NAALADL2: variants seen among roughly 807,000 people sequenced by gnomAD.
NAALADL2 encodes the protein N-acetylated alpha-linked acidic dipeptidase like 2.
Under a neutral mutation model 87.2 loss-of-function variants are expected in NAALADL2, and 76 were observed. The observed-to-expected ratio is 0.87, with a 90% CI of 0.72 to 1.05. The LOEUF (loss-of-function observed/expected upper bound fraction) is 1.05. Ranked by LOEUF, NAALADL2 falls within the 50% of genes least tolerant of loss-of-function variation. The pLI, the probability that NAALADL2 is intolerant of heterozygous loss-of-function variation, is 0.00. For synonymous variants in NAALADL2, 354 were observed against 331.0 expected (o/e 1.07, Z -0.75); for missense variants, 1,089 against 945.8 (o/e 1.15, Z -1.99).
At chr3:175,576,435 C>T (rs1036585882) in intron 10 of NAALADL2, among the ~76,000 whole-genome samples, 7 of 152,170 alleles carry the variant, frequency 4.6e-5, no homozygotes, top group Non-Finnish European at 7.4e-5. Context: ...CAGTGCTCTG[C>T]AATGAGAAAT....
intron 3 of NAALADL2, among the ~76,000 whole-genome samples, chr3:174,824,190 CTG>C (rs1022651198): frequency 6.6e-6 from 1 of 151,986 alleles, no homozygotes; most frequent in Non-Finnish European, 1.5e-5. Context: ...TTTGTAATGT[CTG>C]TTACATTAAA....
chr3:174,734,312 A>G (rs1478064665), intron 2 of NAALADL2, among the ~76,000 whole-genome samples: 2 of 152,318 alleles, frequency 1.3e-5, no homozygotes, highest in East Asian at 3.9e-4. Context: ...GTGTGTATCC[A>G]TACTAATGTG....
At chr3:175,433,057 T>A (rs1248395568) in intron 5 of NAALADL2, among the ~76,000 whole-genome samples, 1 of 152,036 alleles carries the variant, frequency 6.6e-6, no homozygotes, top group Admixed American at 6.6e-5. Context: ...ATTAAATAGT[T>A]GCAGTCATGA....
chr3:174,614,113 GC>G (rs1720213030), intron 2 of NAALADL2, among the ~76,000 whole-genome samples: 1 of 152,244 alleles, frequency 6.6e-6, no homozygotes, highest in Middle Eastern at 3.4e-3. Flanking sequence ...GAAGGAAAGG[GC>G]CTTTTTTAGA....
intron 1 of NAALADL2, among the ~76,000 whole-genome samples, chr3:174,983,683 C>T (rs1356083057): frequency 1.3e-5 from 2 of 152,036 alleles, no homozygotes; most frequent in Non-Finnish European, 2.9e-5. Context: ...GGTGATTCTG[C>T]CCTCATGATA....
At chr3:174,952,832 T>A (rs989628131) in intron 1 of NAALADL2, among the ~76,000 whole-genome samples, 3 of 152,108 alleles carry the variant, frequency 2.0e-5, no homozygotes, top group Admixed American at 2.0e-4. Flanking sequence ...ATGTCACTGA[T>A]TGCTGGGTAC....
Position 175,617,901 on chromosome 3 carries a change from A to C in NAALADL2, c.1801-9390A>C, listed in dbSNP as rs571176074. On this transcript the variant is annotated intron_variant, in intron 10 of 13. Coordinates refer to ENST00000454872, the MANE Select transcript of NAALADL2 (RefSeq NM_207015.3). ...AGTTCTAGTCTTACGTAAGCCCTCC[A>C]GTATGCACACCTGAAAGTGTTTCCT... 2.6e-5 allele frequency among the ~76,000 whole-genome samples: 4 copies of C among 152,306 alleles called. No individual in the cohort carries two copies. In the East Asian group the frequency reaches 7.7e-4, roughly 30 times the overall value.
chr3:175,026,776 T>C (rs887701448), intron 1 of NAALADL2, among the ~76,000 whole-genome samples: 1 of 152,102 alleles, frequency 6.6e-6, no homozygotes, highest in Non-Finnish European at 1.5e-5. Flanking sequence ...TAAACTACAA[T>C]GCCTTCAGAT....
chr3:175,296,285 C>A (rs1581300231), intron 4 of NAALADL2, among the ~76,000 whole-genome samples: 1 of 152,038 alleles, frequency 6.6e-6, no homozygotes, highest in South Asian at 2.1e-4. Context: ...TTGCGATAAT[C>A]CCACAAATGG....
At chr3:174,929,227 G>C (rs1315127193) in intron 1 of NAALADL2, among the ~76,000 whole-genome samples, 1 of 152,162 alleles carries the variant, frequency 6.6e-6, no homozygotes, top group Non-Finnish European at 1.5e-5. Context: ...CTGTGTTTGT[G>C]GTGGGCCACA....
At chr3:174,813,775 C>T (rs1720482265) in intron 3 of NAALADL2, among the ~76,000 whole-genome samples, 1 of 152,128 alleles carries the variant, frequency 6.6e-6, no homozygotes, top group South Asian at 2.1e-4. Context: ...AGCAATCCTC[C>T]TGAATCAACC....
chr3:175,213,577 C>G (rs1164189268), intron 2 of NAALADL2, among the ~76,000 whole-genome samples: 15 of 152,018 alleles, frequency 9.9e-5, no homozygotes, highest in Non-Finnish European at 1.0e-4. Flanking sequence ...AAAGAACAAT[C>G]TAGATAGGTA....
rs918210778 is a variant in NAALADL2, at chr3:174,751,383, C to T, written c.-9+13637C>T. On this transcript the variant is annotated intron_variant, in intron 3 of 3. Transcript: ENST00000434257. ...AAATTAATATCATAAAAGTTTATGG[C>T]CAGACGCAGTTGCTCACGTCTGTAA... Among the ~76,000 whole-genome samples the T allele has an allele frequency of 2.0e-5, 3 of 152,040 alleles. 1 individual carries two copies. Among genetic ancestry groups the T allele is most frequent in the Non-Finnish European group, 2.9e-5 (2 of 68,018 alleles).
chr3:175,373,506 G>T (rs900911680), intron 5 of NAALADL2, among the ~76,000 whole-genome samples: 11 of 152,184 alleles, frequency 7.2e-5, no homozygotes, highest in East Asian at 3.9e-4. Context: ...ATTTGTTCGT[G>T]ATTATTGCTG....
intron 13 of NAALADL2, among the ~76,000 whole-genome samples, chr3:175,795,505 CTACTAAAAAA>C (rs1018966801): frequency 6.3e-5 from 9 of 141,776 alleles, no homozygotes; most frequent in African/African-American, 2.6e-4. Context: ...AACCCCGTCT[CTACTAAAAAA>C]TACAAAAAAA....
chr3:175,683,730 T>C lies in NAALADL2; in HGVS notation c.1897-53576T>C, dbSNP rs1735914464. Reference sequence around the variant, plus strand: ...GTGGGGCTTTCTTTTAGTTTCTGATTCTTTGTTATTTCATTATGCTGAAAC... The same window carrying C: ...GTGGGGCTTTCTTTTAGTTTCTGATCCTTTGTTATTTCATTATGCTGAAAC... On this transcript the variant is annotated intron_variant, in intron 11 of 13. Transcript: ENST00000454872. Among the ~76,000 whole-genome samples the C allele has an allele frequency of 2.0e-5, 3 of 152,032 alleles. No homozygotes were observed. In the South Asian group the frequency reaches 6.2e-4, roughly 32 times the overall value.
intron 11 of NAALADL2, among the ~76,000 whole-genome samples, chr3:175,666,702 G>A (rs1033697832): frequency 3.9e-5 from 6 of 151,978 alleles, no homozygotes; most frequent in South Asian, 2.1e-4. Context: ...TCTTTGGAAC[G>A]TTACATTAGG....
chr3:175,142,677 A>G (rs1158640522), intron 2 of NAALADL2, among the ~76,000 whole-genome samples: 2 of 151,950 alleles, frequency 1.3e-5, no homozygotes, highest in East Asian at 3.9e-4. Flanking sequence ...GTCAGGTAAC[A>G]TTTGCAGTTC....
intron 1 of NAALADL2, among the ~76,000 whole-genome samples, chr3:175,010,814 G>T (rs1201123137): frequency 6.6e-6 from 1 of 152,022 alleles, no homozygotes; most frequent in Non-Finnish European, 1.5e-5. Context: ...CGAGAGTATA[G>T]TCTGTACAGG....
Sources: gnomAD v4.1 joint callset for allele counts (sites outside exome capture counted in the v4.1 genomes callset) on GRCh38, gnomAD v4.1.1 for gene constraint, MANE v1.5 for transcripts, NCBI Gene and HGNC (gene_info 2026-07-23, HGNC 2026-07-21) for gene names.